The following SGCD variants were observed in gnomAD, a reference collection of about 807,000 sequenced individuals.
The protein encoded by SGCD is delta-sarcoglycan.
Under a neutral mutation model 36.6 loss-of-function variants are expected in SGCD, and 18 were observed. The ratio of observed to expected loss-of-function variants is 0.49; its 90% CI spans 0.34 to 0.73. SGCD has a LOEUF of 0.73. Among genes scored for constraint, SGCD ranks in the 30% least tolerant of loss-of-function variants. SGCD has a pLI of 0.01. For synonymous variants in SGCD, 133 were observed against 130.6 expected (o/e 1.02, Z -0.12); for missense variants, 387 against 346.7 (o/e 1.12, Z -0.92).
intron 6 of SGCD, among the ~76,000 whole-genome samples, chr5:156,629,913 G>T (rs191763940): frequency 7.0e-6 from 1 of 143,450 alleles, no homozygotes; most frequent in East Asian, 2.1e-4. Context: ...CCAGGCTGGA[G>T]TGCAATGGCA....
At chr5:156,384,603 G>A (rs1156452816) in intron 3 of SGCD, among the ~76,000 whole-genome samples, 1 of 152,106 alleles carries the variant, frequency 6.6e-6, no homozygotes, top group Non-Finnish European at 1.5e-5. Context: ...AGTGCCAAGA[G>A]AGAATTAACT....
intron 3 of SGCD, among the ~76,000 whole-genome samples, chr5:156,238,753 T>C (rs1765228570): frequency 6.6e-6 from 1 of 152,194 alleles, no homozygotes; most frequent in African/African-American, 2.4e-5. Flanking sequence ...ATATCCCTAA[T>C]GAAGGCTGGT....
intron 1 of SGCD, among the ~76,000 whole-genome samples, chr5:156,061,081 A>C (rs1465760639): frequency 6.9e-6 from 1 of 145,950 alleles, no homozygotes; most frequent in Non-Finnish European, 1.5e-5. Context: ...AAATCTATTC[A>C]AGACTTTATC....
At chr5:156,214,059 C>T (rs951059328) in intron 3 of SGCD, among the ~76,000 whole-genome samples, 1 of 151,926 alleles carries the variant, frequency 6.6e-6, no homozygotes, top group Non-Finnish European at 1.5e-5. Context: ...CAAGGATGCC[C>T]ACTTTTACCA....
At chr5:155,822,741 T>A in the SGCD span, among the ~76,000 whole-genome samples, 1 of 152,236 alleles carries the variant, frequency 6.6e-6, no homozygotes, top group African/African-American at 2.4e-5. Flanking sequence ...AGGAAAAGCA[T>A]CGAGCCCAGG....
the SGCD span, among the ~76,000 whole-genome samples, chr5:155,765,833 G>A: frequency 6.6e-6 from 1 of 152,106 alleles, no homozygotes; most frequent in Non-Finnish European, 1.5e-5. Context: ...GTCTTTGGTG[G>A]TACCTCCTGG....
At chr5:156,068,410 A>T (rs1175726776) in intron 1 of SGCD, among the ~76,000 whole-genome samples, 2 of 152,050 alleles carry the variant, frequency 1.3e-5, no homozygotes, top group African/African-American at 4.8e-5. Flanking sequence ...ACTGAGAATG[A>T]TGATTTCCAA....
At chr5:156,692,513 A>T (rs769480015) in intron 7 of SGCD, among the ~76,000 whole-genome samples, 10 of 152,190 alleles carry the variant, frequency 6.6e-5, no homozygotes, top group Non-Finnish European at 1.3e-4. Flanking sequence ...ACATATACAA[A>T]AGAGACAATG....
At chr5:156,114,652 AC>A (rs1198703903) in intron 1 of SGCD, among the ~76,000 whole-genome samples, 8 of 151,996 alleles carry the variant, frequency 5.3e-5, no homozygotes, top group Non-Finnish European at 1.0e-4. Context: ...TAAGGCCCCA[AC>A]CAGTTGTTTT....
intron 3 of SGCD, among the ~76,000 whole-genome samples, chr5:156,444,099 T>C (rs1407562783): frequency 1.7e-4 from 20 of 115,690 alleles, no homozygotes; most frequent in African/African-American, 7.3e-4. Context: ...TCTCTCTCTC[T>C]CTCTCTCTCT....
the SGCD span, among the ~76,000 whole-genome samples, chr5:155,787,517 G>A: frequency 6.6e-6 from 1 of 152,128 alleles, no homozygotes; most frequent in East Asian, 1.9e-4. Flanking sequence ...CAGCTCGAGG[G>A]ACACTCGGCC....
chr5:156,539,539 T>C (rs558555863), intron 4 of SGCD, among the ~76,000 whole-genome samples: 2 of 152,260 alleles, frequency 1.3e-5, no homozygotes, highest in East Asian at 3.9e-4. Flanking sequence ...ATTACTTCAC[T>C]TAGAATAATG....
chr5:156,034,780 C>G (rs977072059), intron 1 of SGCD, among the ~76,000 whole-genome samples: 12 of 152,174 alleles, frequency 7.9e-5, no homozygotes, highest in Admixed American at 7.2e-4. Context: ...TTCATGCAAG[C>G]AGGAACTATG....
At chr5:155,881,131 G>A (rs1480654869) in intron 1 of SGCD, among the ~76,000 whole-genome samples, 1 of 151,988 alleles carries the variant, frequency 6.6e-6, no homozygotes, top group African/African-American at 2.4e-5. Context: ...GGTAAACCCA[G>A]GGGTGCTGAT....
At chr5:155,870,869 G>T (rs1443789148) in intron 1 of SGCD, among the ~76,000 whole-genome samples, 1 of 152,062 alleles carries the variant, frequency 6.6e-6, no homozygotes, top group East Asian at 1.9e-4. Context: ...CACAACACGC[G>T]ATCGTTATTT....
intron 3 of SGCD, among the ~76,000 whole-genome samples, chr5:156,395,253 C>CA (rs1336217794): frequency 3.9e-5 from 6 of 152,172 alleles, no homozygotes; most frequent in Non-Finnish European, 7.4e-5. Context: ...CAGGCTGTGC[C>CA]ATGGAGAAGC....
chr5:156,189,812 AG>A (rs1334073081), intron 3 of SGCD, among the ~76,000 whole-genome samples: 1 of 152,186 alleles, frequency 6.6e-6, no homozygotes, highest in African/African-American at 2.4e-5. Flanking sequence ...GCCTTGTGAC[AG>A]GAATTTTTTT....
chr5:156,200,114 G>A (rs1764109968), intron 3 of SGCD, among the ~76,000 whole-genome samples: 1 of 152,128 alleles, frequency 6.6e-6, no homozygotes, highest in African/African-American at 2.4e-5. Flanking sequence ...CGTGGACTCA[G>A]TCCAATCTCT....
At chr5:156,321,633 G>C (rs559013192) in intron 3 of SGCD, among the ~76,000 whole-genome samples, 1 of 152,108 alleles carries the variant, frequency 6.6e-6, no homozygotes, top group South Asian at 2.1e-4. Context: ...GTTGTTATAG[G>C]AGCCAAATAG....
Sources: allele counts gnomAD v4.1 joint callset (sites outside exome capture counted in the v4.1 genomes callset), GRCh38; gene constraint gnomAD v4.1.1; transcripts MANE v1.5; gene names NCBI Gene and HGNC (gene_info 2026-07-23, HGNC 2026-07-21).